Variants in ABLIM1 observed in about 807,000 individuals in gnomAD.
ABLIM1 encodes the protein actin-binding LIM protein 1.
In ABLIM1, 40 loss-of-function variants were observed where a neutral mutation model predicts 107.0. The ratio of observed to expected loss-of-function variants is 0.37; its 90% confidence interval spans 0.29 to 0.49. The LOEUF is 0.49. Ranked by LOEUF, ABLIM1 falls within the 20% of genes least tolerant of loss-of-function variation. The pLI is 0.97. For missense variants in ABLIM1, 857 were observed against 1,008.5 expected, an observed-to-expected ratio of 0.85 and a Z score of 2.04; for synonymous variants, 357 against 357.3, an observed-to-expected ratio of 1.00 and a Z score of 0.01.
chr10:114,446,506 T>C (rs114771485), intron 15 of ABLIM1, among the ~76,000 whole-genome samples: 15 of 152,340 alleles, frequency 9.8e-5, no homozygotes, highest in African/African-American at 3.6e-4. Context: ...CTTGGATTAA[T>C]CTGGCTGTGG....
At chr10:114,531,428 G>A (rs1590964764) in intron 6 of ABLIM1, among the ~76,000 whole-genome samples, 2 of 152,242 alleles carry the variant, frequency 1.3e-5, no homozygotes, top group Non-Finnish European at 2.9e-5. Context: ...GTTTTCAGAT[G>A]AGAAGGGTCA....
At chr10:114,551,865 G>A (rs4144582) in intron 4 of ABLIM1, among the ~76,000 whole-genome samples, 24,716 of 152,040 alleles carry the variant, frequency 0.16, 2,565 homozygotes, top group East Asian at 0.29. Context: ...TTCACAGGTG[G>A]TATCTATACC....
intron 6 of ABLIM1, among the ~76,000 whole-genome samples, chr10:114,511,400 C>T (rs1001203637): frequency 6.6e-6 from 1 of 151,968 alleles, no homozygotes; most frequent in South Asian, 2.1e-4. Flanking sequence ...GAGTCTTGCT[C>T]TGTCACCCAG....
chr10:114,611,096 T>A (rs2076776957), intron 1 of ABLIM1, among the ~76,000 whole-genome samples: 1 of 149,678 alleles, frequency 6.7e-6, no homozygotes. Context: ...GAGGTTGCAG[T>A]GAGCTGAGAT....
the ABLIM1 span, chr10:114,779,673 C>T: frequency 1.3e-5 from 2 of 152,036 alleles, no homozygotes; most frequent in South Asian, 2.1e-4. Context: ...CTTTTCATAT[C>T]GATGCATATT....
At chr10:114,772,304 C>T (rs1394396824), upstream of ABLIM1, among the ~76,000 whole-genome samples, 3 of 152,046 alleles carry the variant, frequency 2.0e-5, no homozygotes, top group Admixed American at 2.0e-4. Flanking sequence ...TTTTTAAATA[C>T]TTCTTTTTTA....
intron 1 of ABLIM1, among the ~76,000 whole-genome samples, chr10:114,678,152 C>CT (rs11339917): frequency 2.6e-5 from 4 of 151,060 alleles, no homozygotes; most frequent in East Asian, 3.9e-4. Flanking sequence ...ATTTCTAATC[C>CT]TTTTTTTTTT....
chr10:114,637,880 A>G (rs917664678), intron 1 of ABLIM1, among the ~76,000 whole-genome samples: 1 of 152,232 alleles, frequency 6.6e-6, no homozygotes, highest in African/African-American at 2.4e-5. Flanking sequence ...ACAGTTTACT[A>G]CCAGCTTTCT....
intron 16 of ABLIM1, 68 bp downstream of exon 16, chr10:114,445,244 T>G: frequency 1.4e-6 from 2 of 1,395,658 alleles, no homozygotes; most frequent in Admixed American, 3.4e-5. Flanking sequence ...TACATAGTAG[T>G]CATTCAAAAA....
chr10:114,656,646 A>G (rs1305334824), intron 1 of ABLIM1, among the ~76,000 whole-genome samples: 3 of 152,276 alleles, frequency 2.0e-5, no homozygotes, highest in African/African-American at 7.2e-5. Flanking sequence ...GGCATTATTC[A>G]TAAAATCCAA....
chr10:114,464,400 G>T (rs11196749), intron 12 of ABLIM1, among the ~76,000 whole-genome samples: 54,696 of 151,772 alleles, frequency 0.36, 9,976 homozygotes, highest in Middle Eastern at 0.42. Flanking sequence ...TGGTCAGGCT[G>T]GTCTTGAACT....
intron 10 of ABLIM1, among the ~76,000 whole-genome samples, chr10:114,468,923 G>A (rs905066890): frequency 6.6e-6 from 1 of 151,852 alleles, no homozygotes; most frequent in Non-Finnish European, 1.5e-5. Flanking sequence ...GCGGTGGCGG[G>A]CGCCTGTAGT....
At chr10:114,659,486 C>A (rs1056908261), upstream of ABLIM1, among the ~76,000 whole-genome samples, 3 of 152,068 alleles carry the variant, frequency 2.0e-5, no homozygotes, top group Admixed American at 1.3e-4. Context: ...CACTGTACTC[C>A]TAGGTGACCG....
At chr10:114,647,145 A>G (rs1351364310) in intron 1 of ABLIM1, among the ~76,000 whole-genome samples, 1 of 152,104 alleles carries the variant, frequency 6.6e-6, no homozygotes, top group Admixed American at 6.6e-5. Flanking sequence ...ACAGGTGTGT[A>G]CCACCATGCC....
intron 12 of ABLIM1, among the ~76,000 whole-genome samples, chr10:114,458,022 G>A (rs530790457): frequency 8.6e-5 from 13 of 151,800 alleles, no homozygotes; most frequent in Middle Eastern, 3.4e-3. Flanking sequence ...GCAGTGAGCC[G>A]AAATTGCACC....
At chr10:114,569,535 G>A (rs1187705121) in intron 4 of ABLIM1, among the ~76,000 whole-genome samples, 1 of 152,108 alleles carries the variant, frequency 6.6e-6, no homozygotes, top group Non-Finnish European at 1.5e-5. Context: ...GGACAGGCTA[G>A]TCTTGAACTC....
At position 114,644,061 on chromosome 10, in the gene ABLIM1, C is replaced by A. The variant is rs560689870; in HGVS notation, c.244+13896G>T. Among the ~76,000 whole-genome samples the A allele has an allele frequency of 7.3e-4, 111 of 151,170 alleles. 1 individual carries two copies. The South Asian group carries it at 0.01, about 14-fold the overall frequency. On this transcript the variant is annotated intron_variant, in intron 1 of 22. Coordinates refer to ENST00000533213, the MANE Select transcript of ABLIM1 (RefSeq NM_002313.7). ...CTTTGGGAGGCCGAGGCGGGCAGAT[C>A]ACAAGGTCAGGAGATAGAGACCACC...
chr10:114,565,784 A>ATTTTTT (rs1591259635), intron 4 of ABLIM1, among the ~76,000 whole-genome samples: 6 of 74,570 alleles, frequency 8.0e-5, no homozygotes, highest in South Asian at 8.9e-4. Context: ...ATCTGAAATG[A>ATTTTTT]TTTCTTTTTT....
At chr10:114,536,801 G>C (rs182886552) in intron 6 of ABLIM1, among the ~76,000 whole-genome samples, 1 of 152,226 alleles carries the variant, frequency 6.6e-6, no homozygotes, top group African/African-American at 2.4e-5. Flanking sequence ...TGCAGAGTCC[G>C]AGACCAGAGC....
Sources: allele counts gnomAD v4.1 joint callset (sites outside exome capture counted in the v4.1 genomes callset), GRCh38; gene constraint gnomAD v4.1.1; transcripts MANE v1.5; gene names NCBI Gene and HGNC (gene_info 2026-07-23, HGNC 2026-07-21).